Variants in GLYR1 observed in about 807,000 individuals in gnomAD.
The protein encoded by GLYR1 is glyoxylate reductase 1 homolog.
In GLYR1, 21 loss-of-function variants were observed where a neutral mutation model predicts 72.7. That is an observed-to-expected ratio of 0.29 (90% CI 0.20 to 0.42). The LOEUF (loss-of-function observed/expected upper bound fraction) is 0.42. Ranked by LOEUF, GLYR1 falls within the 10% of genes least tolerant of loss-of-function variation. The pLI is 1.00. For synonymous variants in GLYR1, 392 were observed against 270.2 expected (o/e 1.45, Z -4.42); for missense variants, 594 against 712.1 (o/e 0.83, Z 1.89).
chr16:4,838,531 G>A (rs1189541393), intron 3 of GLYR1, among the ~76,000 whole-genome samples: 2 of 152,002 alleles, frequency 1.3e-5, no homozygotes, highest in Admixed American at 6.5e-5. Flanking sequence ...CTAAGCACCT[G>A]TAATTTAAAT....
At chr16:4,839,314 A>G (rs1417237908) in intron 3 of GLYR1, 1 of 152,204 alleles carries the variant, frequency 6.6e-6, no homozygotes, top group African/African-American at 2.4e-5. Context: ...GCTGGCCTTG[A>G]ACTCTTAGGC....
chr16:4,812,642 A>T (rs1273489713), intron 12 of GLYR1, among the ~76,000 whole-genome samples: 2 of 143,280 alleles, frequency 1.4e-5, no homozygotes, highest in African/African-American at 2.6e-5. Flanking sequence ...ACAGGCGTCC[A>T]CCACCACGCC....
At chr16:4,832,310 G>A (rs2084852516) in intron 4 of GLYR1, 89 bp from the exon 5 acceptor site, 1 of 1,508,196 alleles carries the variant, frequency 6.6e-7, no homozygotes, top group Non-Finnish European at 9.1e-7. Context: ...TGCTGCTACA[G>A]GCACTCTGTG....
chr16:4,832,079 C>T lies in GLYR1; in HGVS notation c.437G>A (p.Arg146Lys). The T allele has an allele frequency of 6.2e-7, 1 of 1,614,224 alleles. No homozygotes were observed. Among genetic ancestry groups the T allele is most frequent in the Non-Finnish European group, 8.5e-7 (1 of 1,180,040 alleles). ...TCTCTCTGAAGAGCCTGAAGACACC[C>T]TCTTCTTTCCTTCTCCCATGTTCTT... ...VKKNMGEGKK[R>K]VSSGSSERGS... The change falls in exon 5 of 16, where the codon AGG becomes AAG. Residue 146 changes from arginine to lysine, a missense_variant. Around this residue, in one of 5 missense-constraint regions of GLYR1, gnomAD observed 252 missense variants for 211.3 expected, o/e 1.19. Transcript: ENST00000321919.
chr16:4,823,399 T>C (rs952947595), intron 6 of GLYR1, among the ~76,000 whole-genome samples: 2 of 152,206 alleles, frequency 1.3e-5, no homozygotes, highest in African/African-American at 4.8e-5. Flanking sequence ...TTCATGGGCT[T>C]TCCATAATTA....
chr16:4,817,588 G>A lies in GLYR1; in HGVS notation c.906+10C>T, dbSNP rs963857007. 1.9e-6 allele frequency: 3 copies of A among 1,571,096 alleles called. No homozygotes were observed. The highest frequency in any genetic ancestry group is 2.6e-6 in the Non-Finnish European group (3 of 1,140,794). On this transcript the variant is annotated intron_variant, in intron 10 of 15. Transcript: ENST00000321919. Reference sequence around the variant, plus strand: ...CACCGATCCAACAGGCACCACCCCTGAATGCTTACTTTCTCTGCAGTGCGG... The same window carrying A: ...CACCGATCCAACAGGCACCACCCCTAAATGCTTACTTTCTCTGCAGTGCGG...
At position 4,830,074 on chromosome 16, in the gene GLYR1, G is replaced by C. The variant is rs139418475; in HGVS notation, c.537+1905C>G. 1.1e-3 allele frequency among the ~76,000 whole-genome samples: 171 copies of C among 152,232 alleles called. No individual in the cohort carries two copies. In the East Asian group the frequency reaches 0.023, roughly 20 times the overall value. ...CTGCACTGGCCTCCCAAAGTGCTAG[G>C]ATTACAGGTGTGAGCTACCATGCCT... is the stretch of plus-strand genomic sequence containing the variant. On this transcript the variant is annotated intron_variant, in intron 5 of 15. Transcript: ENST00000321919.
At chr16:4,846,823 G>A (rs1181613137) in intron 1 of GLYR1, 1 of 286,382 alleles carries the variant, frequency 3.5e-6, no homozygotes, top group African/African-American at 2.3e-5. Context: ...TCGCAACCTG[G>A]GCTTTGACCG....
At chr16:4,841,642 A>G (rs537488114) in intron 3 of GLYR1, among the ~76,000 whole-genome samples, 19 of 121,412 alleles carry the variant, frequency 1.6e-4, no homozygotes, top group Admixed American at 1.5e-3. Flanking sequence ...AAATCAAGAA[A>G]CCAAACAAGA....
At chr16:4,815,532 C>CTT (rs2083581911) in intron 10 of GLYR1, among the ~76,000 whole-genome samples, 1 of 152,168 alleles carries the variant, frequency 6.6e-6, no homozygotes, top group East Asian at 1.9e-4. Context: ...AACATCTTTA[C>CTT]GTACAAAACT....
chr16:4,845,802 T>A (rs1429948083), intron 2 of GLYR1, among the ~76,000 whole-genome samples: 1 of 152,210 alleles, frequency 6.6e-6, no homozygotes. Flanking sequence ...TTAAACTTAG[T>A]TGGGACAAAA....
Position 4,805,272 on chromosome 16 carries a change from G to A in GLYR1, c.1626C>T (p.Asn542=), listed in dbSNP as rs755988203. The A allele has an allele frequency of 3.2e-5, 52 of 1,614,056 alleles. No individual in the cohort carries two copies. Among genetic ancestry groups the A allele is most frequent in the East Asian group, 4.5e-5 (2 of 44,884 alleles). ...KRAKALDQSD[N]DMSAVYRAYI... ...AGGCTCGGTACACGGCGGACATATCGTTGTCAGACTGGTCCAGCGCCTTGG... is the reference window on the plus strand; with the variant it reads ...AGGCTCGGTACACGGCGGACATATCATTGTCAGACTGGTCCAGCGCCTTGG... The change falls in exon 16 of 16, where the codon AAC becomes AAT. Residue 542 remains asparagine, a synonymous_variant. Coordinates refer to ENST00000321919, the MANE Select transcript of GLYR1 (RefSeq NM_032569.4).
Position 4,832,920 on chromosome 16 carries a change from AAAAC to A in GLYR1, c.156-12_156-9del, listed in dbSNP as rs747241772. On this transcript the variant is annotated splice_polypyrimidine_tract_variant and intron_variant, in intron 3 of 15. Coordinates refer to ENST00000321919, the MANE Select transcript of GLYR1 (RefSeq NM_032569.4). The stretch of plus-strand genomic sequence containing the variant: ...TCCACTTTGATCCAGGCACTAGCAG[AAAAC>A]AAACACAAAAAGGGTGTGAACCATA... 1 of 1,607,910 alleles carries A rather than the reference AAAAC, an allele frequency of 6.2e-7. No individual in the cohort carries two copies. The highest frequency in any genetic ancestry group is 1.7e-5 in the Admixed American group (1 of 59,124).
chr16:4,829,090 C>G (rs1010673711), intron 5 of GLYR1, among the ~76,000 whole-genome samples: 3 of 151,980 alleles, frequency 2.0e-5, no homozygotes, highest in Non-Finnish European at 4.4e-5. Context: ...CAGCTGGCAG[C>G]TTTTCCAAAC....
chr16:4,820,725 C>T (rs1042738037), intron 9 of GLYR1, among the ~76,000 whole-genome samples: 5 of 152,236 alleles, frequency 3.3e-5, no homozygotes, highest in Admixed American at 6.5e-5. Flanking sequence ...CTCCAGAGAA[C>T]GTGTTTTCCT....
chr16:4,809,235 G>C (rs1400389537), intron 15 of GLYR1, among the ~76,000 whole-genome samples: 1 of 142,120 alleles, frequency 7.0e-6, no homozygotes, highest in Non-Finnish European at 1.5e-5. Context: ...TGTTGCCCAG[G>C]CTGGAGTGCA....
chr16:4,810,034 C>T (rs2083236620), intron 15 of GLYR1, among the ~76,000 whole-genome samples: 1 of 151,898 alleles, frequency 6.6e-6, no homozygotes, highest in Admixed American at 6.6e-5. Flanking sequence ...CATTAGATAT[C>T]TAGGAAAACC....
At chr16:4,811,096 C>G in intron 15 of GLYR1, 74 bp downstream of exon 15, 1 of 1,516,440 alleles carries the variant, frequency 6.6e-7, no homozygotes, top group South Asian at 1.2e-5. Flanking sequence ...CAGAGTGAGA[C>G]TCCGTTAAAA....
intron 5 of GLYR1, among the ~76,000 whole-genome samples, chr16:4,824,487 A>C (rs774291476): frequency 4.1e-5 from 6 of 145,502 alleles, no homozygotes; most frequent in Non-Finnish European, 9.0e-5. Flanking sequence ...AGACAGAGCA[A>C]GACTCCATCT....
Sources: gnomAD v4.1 joint callset for allele counts (sites outside exome capture counted in the v4.1 genomes callset) on GRCh38, gnomAD v4.1.1 for gene constraint, gnomAD v4.1.1 regional missense constraint, MANE v1.5 for transcripts, NCBI Gene and HGNC (gene_info 2026-07-23, HGNC 2026-07-21) for gene names.